The following CA5A variants were observed in gnomAD, a reference collection of about 807,000 sequenced individuals.
CA5A encodes the protein carbonic anhydrase 5A.
In CA5A, 28 loss-of-function variants were observed where a neutral mutation model predicts 37.1. The ratio of observed to expected loss-of-function variants is 0.75; its 90% CI spans 0.56 to 1.03. CA5A has a LOEUF of 1.03. CA5A is among the 50% of genes least tolerant of loss of function. CA5A has a pLI of 0.00. For missense variants in CA5A, 444 were observed against 399.9 expected (o/e 1.11, Z -0.94); for synonymous variants, 171 against 158.4 (o/e 1.08, Z -0.60).
At position 87,921,511 on chromosome 16, in the gene CA5A, C is replaced by G. The variant is rs193035030; in HGVS notation, c.340+5237G>C. Among the ~76,000 whole-genome samples, 443 of 152,346 alleles carry G rather than the reference C, an allele frequency of 2.9e-3. 2 individuals carry two copies. Among genetic ancestry groups the G allele is most frequent in the African/African-American group, 0.01 (427 of 41,574 alleles). On this transcript the variant is annotated intron_variant, in intron 2 of 6. Transcript: ENST00000649794. ...TACGTCCTAGAAAAAAACTCCTTGG[C>G]TCTCATTGGCCGGTCTTGAGTCACG...
At chr16:87,923,994 CA>C (rs764918533) in intron 2 of CA5A, 21 of 985,316 alleles carry the variant, frequency 2.1e-5, no homozygotes, top group Non-Finnish European at 2.5e-5. Context: ...ACTGAAAAGC[CA>C]ATCTGAGTTG....
chr16:87,903,036 T>TGC (rs1555520777), intron 3 of CA5A, among the ~76,000 whole-genome samples: 1 of 150,536 alleles, frequency 6.6e-6, no homozygotes, highest in Non-Finnish European at 1.5e-5. Flanking sequence ...GTCTTCCTGG[T>TGC]GGGGGGGGAA....
chr16:87,906,798 A>T (rs2055967964), intron 2 of CA5A, among the ~76,000 whole-genome samples: 1 of 152,188 alleles, frequency 6.6e-6, no homozygotes, highest in Non-Finnish European at 1.5e-5. Flanking sequence ...CCTCAGAGTC[A>T]TATCTAGTTT....
In CA5A at chr16:87,928,476, C is replaced by T. The variant is rs185386963; in HGVS notation, c.143-1531G>A. ...GATTAGAAGTGTGTACCACCACACC[C>T]GGCCAGGATTTTTTATTTTAATGAA... On this transcript the variant is annotated intron_variant, in intron 1 of 6. Coordinates refer to ENST00000649794, the MANE Select transcript of CA5A (RefSeq NM_001739.2). 9.1e-4 allele frequency among the ~76,000 whole-genome samples: 138 copies of T among 152,150 alleles called. 1 individual carries two copies. The highest frequency in any genetic ancestry group is 1.9e-3 in the South Asian group (9 of 4,814).
chr16:87,913,660 C>G (rs979654837), intron 2 of CA5A, among the ~76,000 whole-genome samples: 61 of 131,238 alleles, frequency 4.6e-4, no homozygotes, highest in Admixed American at 4.1e-3. Flanking sequence ...GTGGCCCCCC[C>G]CTCCTCTCCA....
At chr16:87,900,268 C>T (rs1461984635) in intron 5 of CA5A, among the ~76,000 whole-genome samples, 5 of 152,172 alleles carry the variant, frequency 3.3e-5, no homozygotes, top group Non-Finnish European at 5.9e-5. Context: ...TGTGGAGCCG[C>T]GTGGAGGAAG....
chr16:87,895,366 C>T (rs1022996468), intron 5 of CA5A, among the ~76,000 whole-genome samples: 3 of 152,032 alleles, frequency 2.0e-5, no homozygotes, highest in South Asian at 4.2e-4. Context: ...ACCAACATGG[C>T]GAAACCATGT....
chr16:87,933,057 C>G (rs2056429234), intron 1 of CA5A, among the ~76,000 whole-genome samples: 1 of 152,202 alleles, frequency 6.6e-6, no homozygotes, highest in South Asian at 2.1e-4. Context: ...CAGGCCTGCA[C>G]CCACCCAGAG....
At chr16:87,891,986 T>C (rs1308538427) in intron 5 of CA5A, 32 bp from the exon 6 acceptor site, 1 of 1,497,092 alleles carries the variant, frequency 6.7e-7, no homozygotes, top group Non-Finnish European at 8.9e-7. Context: ...GACGTGTCAG[T>C]CCTCAGGGGA....
chr16:87,931,202 C>T (rs1464486302), intron 1 of CA5A, among the ~76,000 whole-genome samples: 1 of 151,400 alleles, frequency 6.6e-6, no homozygotes, highest in Non-Finnish European at 1.5e-5. Flanking sequence ...ACCTCCGCCT[C>T]CCGGGTTCAA....
intron 2 of CA5A, among the ~76,000 whole-genome samples, chr16:87,917,525 T>G (rs930584161): frequency 6.6e-6 from 1 of 152,138 alleles, no homozygotes; most frequent in African/African-American, 2.4e-5. Flanking sequence ...CCCAAAAATA[T>G]TCACACCCAG....
chr16:87,915,048 C>T (rs1430313782), intron 2 of CA5A, among the ~76,000 whole-genome samples: 1 of 152,242 alleles, frequency 6.6e-6, no homozygotes, highest in Non-Finnish European at 1.5e-5. Context: ...CTGAGCGTTT[C>T]ACGGACATGG....
chr16:87,890,172 T>C (rs1040072018), intron 6 of CA5A, among the ~76,000 whole-genome samples: 1 of 152,242 alleles, frequency 6.6e-6, no homozygotes, highest in Non-Finnish European at 1.5e-5. Flanking sequence ...CTTAATACTA[T>C]TGGCTTCGTT....
At chr16:87,891,193 C>T (rs1597540769) in intron 6 of CA5A, among the ~76,000 whole-genome samples, 1 of 150,564 alleles carries the variant, frequency 6.6e-6, no homozygotes, top group South Asian at 2.1e-4. Flanking sequence ...GGAGGCCGGG[C>T]TCGGTGGCTT....
intron 6 of CA5A, among the ~76,000 whole-genome samples, chr16:87,890,150 C>T (rs545331557): frequency 3.9e-5 from 6 of 152,322 alleles, no homozygotes; most frequent in South Asian, 4.1e-4. Context: ...TATATGACAC[C>T]GGCCACCCTG....
At chr16:87,910,639 G>T (rs188159544) in intron 2 of CA5A, among the ~76,000 whole-genome samples, 4 of 152,212 alleles carry the variant, frequency 2.6e-5, no homozygotes, top group Admixed American at 2.6e-4. Flanking sequence ...GCGCGGTGGG[G>T]TGCTCTCGGC....
intron 2 of CA5A, among the ~76,000 whole-genome samples, chr16:87,919,705 C>G (rs148629155): frequency 8.5e-5 from 13 of 152,224 alleles, no homozygotes; most frequent in African/African-American, 2.2e-4. Flanking sequence ...GCCAGGTAAA[C>G]CAAAAAGAAG....
At chr16:87,899,295 CTTTTTTTT>C (rs774174056) in intron 5 of CA5A, among the ~76,000 whole-genome samples, 53 of 85,854 alleles carry the variant, frequency 6.2e-4, no homozygotes, top group African/African-American at 2.4e-3. Flanking sequence ...CTCCTAAGGT[CTTTTTTTT>C]TTTTTTTTTT....
At chr16:87,908,149 G>A (rs921491126) in intron 2 of CA5A, among the ~76,000 whole-genome samples, 11 of 152,096 alleles carry the variant, frequency 7.2e-5, no homozygotes, top group African/African-American at 2.4e-4. Context: ...CCTTTCCCAC[G>A]GCAGTTGGGG....
Sources: allele counts gnomAD v4.1 joint callset (sites outside exome capture counted in the v4.1 genomes callset), GRCh38; gene constraint gnomAD v4.1.1; transcripts MANE v1.5; gene names NCBI Gene and HGNC (gene_info 2026-07-23, HGNC 2026-07-21).